The following SLC45A4 variants were observed in gnomAD, a reference collection of about 807,000 sequenced individuals.
SLC45A4 encodes solute carrier family 45 member 4.
SLC45A4 carries 32 observed loss-of-function variants against 63.7 expected under a neutral mutation model. That is an observed-to-expected ratio of 0.50 (90% confidence interval 0.38 to 0.67). The LOEUF (loss-of-function observed/expected upper bound fraction) is 0.67. SLC45A4 is among the 30% of genes least tolerant of loss of function. SLC45A4 has a pLI of 0.00. For missense variants in SLC45A4, 1,027 were observed against 1,157.7 expected, an observed-to-expected ratio of 0.89 and a Z score of 1.64; for synonymous variants, 535 against 510.0, an observed-to-expected ratio of 1.05 and a Z score of -0.66.
chr8:141,242,260 C>G (rs141855428), intron 2 of SLC45A4, among the ~76,000 whole-genome samples: 2 of 152,352 alleles, frequency 1.3e-5, no homozygotes, highest in East Asian at 3.9e-4. Flanking sequence ...GGCCCAGAGT[C>G]TTCTAAATAA....
intron 2 of SLC45A4, among the ~76,000 whole-genome samples, chr8:141,243,351 A>G (rs548518720): frequency 1.5e-3 from 222 of 152,374 alleles, no homozygotes; most frequent in Non-Finnish European, 2.4e-3. Context: ...ATCTGTGTCA[A>G]TGGCGCTCTC....
chr8:141,286,634 C>T (rs749310282), intron 1 of SLC45A4, among the ~76,000 whole-genome samples: 1 of 152,050 alleles, frequency 6.6e-6, no homozygotes, highest in Non-Finnish European at 1.5e-5. Context: ...GAGCCTGCCC[C>T]CCAGAAATGT....
intron 1 of SLC45A4, among the ~76,000 whole-genome samples, chr8:141,275,466 C>T (rs1024849614): frequency 2.0e-5 from 3 of 152,134 alleles, no homozygotes; most frequent in African/African-American, 4.8e-5. Context: ...GGCTTGGTGG[C>T]ATGCTCCTGT....
chr8:141,227,164 G>C lies in SLC45A4; in HGVS notation c.242-5399C>G, dbSNP rs1827055835. ...CCCAGGGAAAAGTTGAACAACAATG[G>C]TGAGACCAGGAAGGCTCTCCGTTCA... On this transcript the variant is annotated intron_variant, in intron 2 of 8. Coordinates refer to ENST00000517878, the MANE Select transcript of SLC45A4 (RefSeq NM_001286646.2). This position sits in a 1 kb window ranked among gnomAD's most constrained non-coding sequence, Gnocchi z 4.4. Among the ~76,000 whole-genome samples the C allele has an allele frequency of 6.6e-6, 1 of 152,200 alleles. No homozygotes were observed. Among genetic ancestry groups the C allele is most frequent in the Non-Finnish European group, 1.5e-5 (1 of 68,046 alleles).
chr8:141,290,863 G>GT (rs1830321597), intron 1 of SLC45A4, among the ~76,000 whole-genome samples: 2 of 152,290 alleles, frequency 1.3e-5, no homozygotes, highest in South Asian at 4.1e-4. Flanking sequence ...GTTTTGTTTT[G>GT]TTTGAGACTG....
At chr8:141,212,641 A>G (rs2154613936) in intron 7 of SLC45A4, 85 bp from the exon 8 acceptor site, 3 of 1,441,312 alleles carry the variant, frequency 2.1e-6, no homozygotes, top group Non-Finnish European at 2.7e-6. Context: ...TTAACCCACA[A>G]GCCTGGAAAC....
intron 2 of SLC45A4, among the ~76,000 whole-genome samples, chr8:141,244,725 C>T (rs921462099): frequency 7.2e-5 from 11 of 152,120 alleles, no homozygotes; most frequent in Non-Finnish European, 1.0e-4. Context: ...CCACCATTTT[C>T]GAAAGCACTG....
At chr8:141,293,212 T>C (rs1258841168) in intron 1 of SLC45A4, among the ~76,000 whole-genome samples, 1 of 152,154 alleles carries the variant, frequency 6.6e-6, no homozygotes, top group Non-Finnish European at 1.5e-5. Context: ...CCCAGCACTT[T>C]GGGAGGCTGA....
Position 141,232,810 on chromosome 8 carries a change from G to A in SLC45A4, c.242-11045C>T, listed in dbSNP as rs138275987. 3.6e-4 allele frequency among the ~76,000 whole-genome samples: 54 copies of A among 149,478 alleles called. No individual in the cohort carries two copies. In the East Asian group the frequency reaches 9.3e-3, roughly 26 times the overall value. ...CTCAGTGGCTCCCAGGTGAGCGCTC[G>A]CGAGCTGCAACGGGAACACACGCAC... On this transcript the variant is annotated intron_variant, in intron 2 of 8. Transcript: ENST00000517878.
At position 141,254,130 on chromosome 8, in the gene SLC45A4, C is replaced by T. The variant is rs936790876; in HGVS notation, c.100G>A (p.Glu34Lys). ...CCCTCGCTGATGGTCTCGCAGTTCT[C>T]GGCCTCTGCGCCTCCGGCTTTCTGC... ...DPQKAGGAEA[E>K]NCETISEGSI... Residue 34 changes from glutamate (E) to lysine (K), a missense_variant, in exon 2 of 9, where the codon GAG becomes AAG. Physicochemically the swap from Glu to Lys is moderately conservative, Grantham distance 56. Transcript: ENST00000517878. This position sits in a 1 kb window ranked among gnomAD's most constrained non-coding sequence, Gnocchi z 4.5. The T allele has an allele frequency of 1.9e-5, 29 of 1,536,068 alleles. No individual in the cohort carries two copies. The highest frequency in any genetic ancestry group is 1.2e-4 in the African/African-American group (9 of 73,056).
intron 1 of SLC45A4, among the ~76,000 whole-genome samples, chr8:141,273,071 G>C (rs1829600375): frequency 6.6e-6 from 1 of 152,230 alleles, no homozygotes; most frequent in South Asian, 2.1e-4. Context: ...CACGCGAGAA[G>C]AGCTCATTTA....
rs373310999 is a variant in SLC45A4, at chr8:141,282,173, C to A, written c.-401+25923G>T. 4.6e-5 allele frequency among the ~76,000 whole-genome samples: 7 copies of A among 152,172 alleles called. No individual in the cohort carries two copies. The East Asian group carries it at 7.7e-4, about 17-fold the overall frequency. Reference sequence around the variant, plus strand: ...GGACGTCGAGGATGGAAGGAGCATCCGAGCTGATCCTGCCCAACCTCGAAC... The same window carrying A: ...GGACGTCGAGGATGGAAGGAGCATCAGAGCTGATCCTGCCCAACCTCGAAC... On this transcript the variant is annotated intron_variant, in intron 1 of 8. Transcript: ENST00000517878.
At position 141,229,967 on chromosome 8, in the gene SLC45A4, C is replaced by T. The variant is rs1010660709; in HGVS notation, c.242-8202G>A. The T allele has an allele frequency of 2.5e-5, 11 of 434,464 alleles. No individual in the cohort carries two copies. The highest frequency in any genetic ancestry group is 7.0e-5 in the East Asian group (1 of 14,214). 26.9% of individuals were successfully genotyped at this position (434,464 alleles called of 1,614,324 possible). A position where few individuals can be genotyped will look rare whatever the true frequency, so the allele number is the denominator to read the frequency against. On this transcript the variant is annotated intron_variant, in intron 2 of 8. Coordinates refer to ENST00000517878, the MANE Select transcript of SLC45A4 (RefSeq NM_001286646.2). This position sits in a 1 kb window ranked among gnomAD's most constrained non-coding sequence, Gnocchi z 5.0. ...GACACTAGATCCCTGCCTGCACTCCCGAGGCCGTGGTGCTCTGATGACATC... is the reference window on the plus strand; with the variant it reads ...GACACTAGATCCCTGCCTGCACTCCTGAGGCCGTGGTGCTCTGATGACATC...
chr8:141,289,268 A>C (rs949761820), intron 1 of SLC45A4, among the ~76,000 whole-genome samples: 1 of 152,198 alleles, frequency 6.6e-6, no homozygotes, highest in Non-Finnish European at 1.5e-5. Context: ...GGAGACTCGG[A>C]GCCAACAGGG....
chr8:141,223,790 AC>A (rs1826807747), intron 2 of SLC45A4, among the ~76,000 whole-genome samples: 3 of 152,102 alleles, frequency 2.0e-5, no homozygotes, highest in African/African-American at 4.8e-5. Context: ...CTCACGAGAG[AC>A]CGTGCCCCCA....
chr8:141,272,308 G>C (rs1216879963), intron 1 of SLC45A4, among the ~76,000 whole-genome samples: 1 of 152,220 alleles, frequency 6.6e-6, no homozygotes, highest in East Asian at 1.9e-4. Flanking sequence ...AATCTGAACA[G>C]GAGGTGGTGT....
intron 2 of SLC45A4, among the ~76,000 whole-genome samples, chr8:141,236,556 C>T (rs917686896): frequency 6.6e-6 from 1 of 152,220 alleles, no homozygotes; most frequent in Non-Finnish European, 1.5e-5. Flanking sequence ...ATACTATTGA[C>T]ATAGTTACAC....
At position 141,278,829 on chromosome 8, in the gene SLC45A4, G is replaced by A. The variant is rs1343829259; in HGVS notation, c.-400-24200C>T. Reference sequence around the variant, plus strand: ...CAAGGGCTGCTCAGACCTGCTGGGGGCATCCTTTGCCCCGGGCTCTGTCCC... The same window carrying A: ...CAAGGGCTGCTCAGACCTGCTGGGGACATCCTTTGCCCCGGGCTCTGTCCC... On this transcript the variant is annotated intron_variant, in intron 1 of 8. Coordinates refer to ENST00000517878, the MANE Select transcript of SLC45A4 (RefSeq NM_001286646.2). The surrounding 1 kb of genome is among the most constrained non-coding windows in gnomAD (Gnocchi z 4.1). Among the ~76,000 whole-genome samples, 1 of 152,254 alleles carries A rather than the reference G, an allele frequency of 6.6e-6. No homozygotes were observed.
At chr8:141,257,670 G>A (rs145281063) in intron 1 of SLC45A4, among the ~76,000 whole-genome samples, 85 of 152,244 alleles carry the variant, frequency 5.6e-4, no homozygotes, top group African/African-American at 2.0e-3. Context: ...TCTCAGCCAG[G>A]GGCAACTCTG....
Sources: gnomAD v4.1 joint callset for allele counts (sites outside exome capture counted in the v4.1 genomes callset) on GRCh38, gnomAD v4.1.1 for gene constraint, Gnocchi (gnomAD v3.1) non-coding constraint, MANE v1.5 for transcripts, NCBI Gene and HGNC (gene_info 2026-07-23, HGNC 2026-07-21) for gene names.